SLC25A40: variants seen among roughly 807,000 people sequenced by gnomAD.
SLC25A40 encodes the protein mitochondrial glutathione transporter SLC25A40.
In SLC25A40, 41 loss-of-function variants were observed where a neutral mutation model predicts 46.5. The ratio of observed to expected loss-of-function variants is 0.88; its 90% confidence interval spans 0.69 to 1.14. SLC25A40 has a LOEUF of 1.14. SLC25A40 is among the 50% of genes most tolerant of loss of function. The pLI is 0.00. For synonymous variants in SLC25A40, 126 were observed against 127.5 expected (o/e 0.99, Z 0.08); for missense variants, 386 against 393.6 (o/e 0.98, Z 0.16).
rs555326178 is a variant in SLC25A40, at chr7:87,876,239, C to T, written c.-237G>A. ...ACAGAGCCGCGCCAACTCTCTGAGGCTGCGCCAAGACCTGAAGCGGCGGAC... is the reference window on the plus strand; with the variant it reads ...ACAGAGCCGCGCCAACTCTCTGAGGTTGCGCCAAGACCTGAAGCGGCGGAC... On this transcript the variant is annotated 5_prime_UTR_variant, in exon 1 of 12. Coordinates refer to ENST00000341119, the MANE Select transcript of SLC25A40 (RefSeq NM_018843.4). 6.4e-6 allele frequency: 1 copy of T among 155,316 alleles called. No individual in the cohort carries two copies. The highest frequency in any genetic ancestry group is 1.4e-5 in the Non-Finnish European group (1 of 70,582). 9.6% of individuals were successfully genotyped at this position (155,316 alleles called of 1,614,324 possible).
chr7:87,851,167 T>C (rs1034002814), intron 5 of SLC25A40, among the ~76,000 whole-genome samples: 1 of 151,768 alleles, frequency 6.6e-6, no homozygotes, highest in Non-Finnish European at 1.5e-5. Flanking sequence ...TTCCAAAAAG[T>C]AGAAACAACC....
chr7:87,840,833 T>A (rs1258848459), intron 10 of SLC25A40, among the ~76,000 whole-genome samples: 1 of 151,722 alleles, frequency 6.6e-6, no homozygotes, highest in Non-Finnish European at 1.5e-5. Context: ...TTTGTAGAGG[T>A]TTGTAACCAG....
intron 1 of SLC25A40, among the ~76,000 whole-genome samples, chr7:87,870,492 T>G (rs1294712678): frequency 2.0e-5 from 3 of 152,128 alleles, no homozygotes; most frequent in Non-Finnish European, 4.4e-5. Context: ...AGATCCCCAG[T>G]GAGGACCCCA....
At chr7:87,840,057 T>C (rs1265897168) in intron 10 of SLC25A40, among the ~76,000 whole-genome samples, 1 of 151,710 alleles carries the variant, frequency 6.6e-6, no homozygotes, top group Non-Finnish European at 1.5e-5. Flanking sequence ...TAGTAAACCT[T>C]TAAGTAACTG....
rs749335891 is a variant in SLC25A40 at position 87,847,042 on chromosome 7, GC to G, written c.537del (p.His180IlefsTer41). ...GATACTTTCTTGCTGACAAATCGAT[GC>G]AGTTCCACGTAAGAAAACTTCTTGG... is the stretch of plus-strand genomic sequence containing the variant. The part of the protein sequence containing the change: ...MQSKKFSYVE[L>X]HRFVSKKVSE... On this transcript the variant is annotated frameshift_variant, in exon 8 of 12. Coordinates refer to ENST00000341119, the MANE Select transcript of SLC25A40 (RefSeq NM_018843.4). LOFTEE classifies it high-confidence loss of function. 1.9e-6 allele frequency: 3 copies of G among 1,613,728 alleles called. No homozygotes were observed. In the African/African-American group the frequency reaches 4.0e-5, roughly 22 times the overall value.
Position 87,854,761 on chromosome 7 carries a change from A to G in SLC25A40, c.158-451T>C, listed in dbSNP as rs529261977. ...CGGGAGGCAGAGCTTGCAGTGAGCC[A>G]AGATCGCGCCACTGCACTCCAGCCT... On this transcript the variant is annotated intron_variant, in intron 4 of 11. Coordinates refer to ENST00000341119, the MANE Select transcript of SLC25A40 (RefSeq NM_018843.4). Among the ~76,000 whole-genome samples, 322 of 150,602 alleles carry G rather than the reference A, an allele frequency of 2.1e-3. 1 individual carries two copies. The highest frequency in any genetic ancestry group is 7.1e-3 in the African/African-American group (291 of 40,898).
intron 1 of SLC25A40, among the ~76,000 whole-genome samples, chr7:87,869,742 T>C (rs573926570): frequency 6.6e-6 from 1 of 152,328 alleles, no homozygotes; most frequent in Admixed American, 6.5e-5. Flanking sequence ...TTGATGAAAA[T>C]CTGGGTTGTT....
chr7:87,839,246 G>C (rs1838297640), intron 10 of SLC25A40, among the ~76,000 whole-genome samples: 1 of 151,366 alleles, frequency 6.6e-6, no homozygotes. Context: ...TAATAAGTTT[G>C]TTTGGCAAGT....
chr7:87,836,294 T>C lies in SLC25A40; in HGVS notation c.972A>G (p.Gly324=). The C allele has an allele frequency of 6.3e-7, 1 of 1,586,354 alleles. No homozygotes were observed. Among genetic ancestry groups the C allele is most frequent in the Non-Finnish European group, 8.5e-7 (1 of 1,169,788 alleles). The part of the protein sequence containing the change: ...CAIMISTYEF[G]KAFFQKQNVR... Reference sequence around the variant, plus strand: ...CATTTTGTTTCTGGAAAAAAGCCTTTCCAAATTCATATGTACTGATCATAA... The same window carrying C: ...CATTTTGTTTCTGGAAAAAAGCCTTCCCAAATTCATATGTACTGATCATAA... The change falls in exon 12 of 12, where the codon GGA becomes GGG. Residue 324 remains glycine (G), a synonymous_variant. Transcript: ENST00000341119.
chr7:87,837,508 A>G (rs1201095927), intron 10 of SLC25A40, among the ~76,000 whole-genome samples: 1 of 151,252 alleles, frequency 6.6e-6, no homozygotes, highest in African/African-American at 2.4e-5. Context: ...GCTAATAATA[A>G]CATCTCGCTT....
intron 10 of SLC25A40, among the ~76,000 whole-genome samples, chr7:87,839,621 T>C (rs1242820724): frequency 6.6e-6 from 1 of 151,698 alleles, no homozygotes; most frequent in Non-Finnish European, 1.5e-5. Flanking sequence ...AAGTTATTTC[T>C]GTTATAGGAT....
chr7:87,858,549 G>A lies in SLC25A40; in HGVS notation c.97+82C>T, dbSNP rs570335711. 790 of 781,292 alleles carry A rather than the reference G, an allele frequency of 1.0e-3. 6 individuals carry two copies. Among genetic ancestry groups the A allele is most frequent in the African/African-American group, 2.9e-3 (171 of 58,028 alleles). The allele number at this position is 781,292 out of a possible 1,614,324, so 48.4% of individuals were successfully genotyped here. ...CTTATGGAAAATAGAAAGAAACTAC[G>A]TTGAAATACTGATACTAAAACTCAA... On this transcript the variant is annotated intron_variant, in intron 3 of 11. Transcript: ENST00000341119.
At chr7:87,856,644 G>T (rs1156425987) in intron 3 of SLC25A40, among the ~76,000 whole-genome samples, 1 of 152,028 alleles carries the variant, frequency 6.6e-6, no homozygotes, top group Non-Finnish European at 1.5e-5. Context: ...AAGAAAATAT[G>T]ATTTCTAATA....
Position 87,846,881 on chromosome 7 carries a change from G to C in SLC25A40, c.631+68C>G, listed in dbSNP as rs73706938. On this transcript the variant is annotated intron_variant, in intron 8 of 11. Transcript: ENST00000341119. ...TTAATGGTAAAGAGTTAAAAATCTAGTGACAGTAATATTTGAATGAGACAA... is the reference window on the plus strand; with the variant it reads ...TTAATGGTAAAGAGTTAAAAATCTACTGACAGTAATATTTGAATGAGACAA... 2,132 of 1,312,376 alleles carry C rather than the reference G, an allele frequency of 1.6e-3. 29 individuals are homozygous for C. The African/African-American group carries it at 0.028, about 17-fold the overall frequency. The allele number at this position is 1,312,376 out of a possible 1,614,324, so 81.3% of individuals were successfully genotyped here.
At chr7:87,863,427 CAT>C (rs1486881745) in intron 1 of SLC25A40, among the ~76,000 whole-genome samples, 1 of 151,980 alleles carries the variant, frequency 6.6e-6, no homozygotes, top group East Asian at 1.9e-4. Flanking sequence ...ATGTGAAGGA[CAT>C]GTGTGCTTCC....
chr7:87,862,250 A>G (rs1838717011), intron 1 of SLC25A40, among the ~76,000 whole-genome samples: 1 of 152,184 alleles, frequency 6.6e-6, no homozygotes, highest in Admixed American at 6.5e-5. Context: ...TCACTCTAAC[A>G]AAATATCTCT....
intron 9 of SLC25A40, chr7:87,842,024 C>T (rs1050803520): frequency 2.6e-6 from 1 of 389,126 alleles, no homozygotes; most frequent in African/African-American, 2.1e-5. Context: ...TCTCACGCTC[C>T]TTTGTGTTCT....
chr7:87,872,897 C>G (rs1838915771), intron 1 of SLC25A40, among the ~76,000 whole-genome samples: 1 of 152,086 alleles, frequency 6.6e-6, no homozygotes, highest in Non-Finnish European at 1.5e-5. Context: ...CTGAATTTAC[C>G]CTGGTTTCCC....
chr7:87,833,626 T>C lies in SLC25A40; in HGVS notation c.*2623A>G, dbSNP rs755508679. The C allele has an allele frequency of 6.6e-6, 1 of 151,922 alleles. No homozygotes were observed. Among genetic ancestry groups the C allele is most frequent in the Non-Finnish European group, 1.5e-5 (1 of 67,926 alleles). 9.4% of individuals were successfully genotyped at this position (151,922 alleles called of 1,614,324 possible). ...ATCTTAGAAGAAAATTCAAAAGGGA[T>C]ACAATAAACTTTTCCATATCCCAAA... On this transcript the variant is annotated 3_prime_UTR_variant, in exon 12 of 12. Transcript: ENST00000341119.
Sources: gnomAD v4.1 joint callset for allele counts (sites outside exome capture counted in the v4.1 genomes callset) on GRCh38, gnomAD v4.1.1 for gene constraint, MANE v1.5 for transcripts, NCBI Gene and HGNC (gene_info 2026-07-23, HGNC 2026-07-21) for gene names.